RNF111: variants seen among roughly 807,000 people sequenced by gnomAD.
RNF111 encodes E3 ubiquitin-protein ligase Arkadia.
Under a neutral mutation model 95.1 loss-of-function variants are expected in RNF111, and 17 were observed. That is an observed-to-expected ratio of 0.18 (90% confidence interval 0.12 to 0.27). The LOEUF (loss-of-function observed/expected upper bound fraction) is 0.27. RNF111 is among the 10% of genes least tolerant of loss of function. RNF111 has a pLI of 1.00. For synonymous variants in RNF111, 440 were observed against 414.8 expected (o/e 1.06, Z -0.74); for missense variants, 1,189 against 1,210.4 (o/e 0.98, Z 0.26).
At chr15:59,043,618 G>T (rs2041572460) in intron 2 of RNF111, among the ~76,000 whole-genome samples, 1 of 152,166 alleles carries the variant, frequency 6.6e-6, no homozygotes, top group Non-Finnish European at 1.5e-5. Flanking sequence ...TCCGGTATTT[G>T]CTATTGTGAA....
chr15:59,065,626 C>T (rs1218231915), intron 5 of RNF111, among the ~76,000 whole-genome samples: 1 of 152,188 alleles, frequency 6.6e-6, no homozygotes, highest in Non-Finnish European at 1.5e-5. Context: ...CATTAGATTA[C>T]TTTAAAGCAC....
intron 1 of RNF111, among the ~76,000 whole-genome samples, chr15:59,023,130 C>A (rs1243848701): frequency 3.9e-5 from 6 of 152,142 alleles, no homozygotes; most frequent in African/African-American, 1.4e-4. Context: ...TGTCTGTAAT[C>A]CCAGCTACTC....
chr15:59,031,902 C>G (rs780399653), intron 2 of RNF111, among the ~76,000 whole-genome samples, 200 bp downstream of exon 2: 13 of 151,956 alleles, frequency 8.6e-5, no homozygotes, highest in Admixed American at 6.6e-4. Flanking sequence ...TTTCTAGTGA[C>G]AAAAATAAGT....
At chr15:59,081,361 C>A in intron 8 of RNF111, 77 bp downstream of exon 8, 1 of 1,246,376 alleles carries the variant, frequency 8.0e-7, no homozygotes, top group Non-Finnish European at 1.1e-6. Flanking sequence ...ACTCTGAAAT[C>A]CAACTAGGCA....
At chr15:59,052,537 C>A in intron 3 of RNF111, 106 bp downstream of exon 3, 1 of 875,730 alleles carries the variant, frequency 1.1e-6, no homozygotes, top group Non-Finnish European at 1.6e-6. Flanking sequence ...TTTTTGAGAC[C>A]CAGTTTGAGT....
At chr15:59,052,112 A>G (rs747318696) in intron 2 of RNF111, among the ~76,000 whole-genome samples, 193 bp from the exon 3 acceptor site, 11 of 152,230 alleles carry the variant, frequency 7.2e-5, no homozygotes, top group Non-Finnish European at 1.3e-4. Flanking sequence ...AGAAGTGTAG[A>G]TTAAAACAGT....
intron 2 of RNF111, among the ~76,000 whole-genome samples, chr15:59,040,093 C>G (rs1438587188): frequency 6.6e-6 from 1 of 151,708 alleles, no homozygotes; most frequent in African/African-American, 2.4e-5. Context: ...GTTGCCAATG[C>G]TTTTGGCTTT....
intron 1 of RNF111, among the ~76,000 whole-genome samples, chr15:59,000,688 G>A (rs1302028400): frequency 6.7e-6 from 1 of 148,904 alleles, no homozygotes; most frequent in African/African-American, 2.5e-5. Context: ...CATCCTGGGT[G>A]ACAGAGCTGA....
intron 8 of RNF111, among the ~76,000 whole-genome samples, chr15:59,082,091 A>G (rs1157371911): frequency 6.6e-6 from 1 of 152,212 alleles, no homozygotes; most frequent in Non-Finnish European, 1.5e-5. Flanking sequence ...CCCTCTCCCC[A>G]AAAAAGTAAC....
At position 59,091,143 on chromosome 15, in the gene RNF111, A is replaced by G. The variant is rs1451965498; in HGVS notation, c.2728A>G (p.Lys910Glu). The change falls in exon 12 of 14, where the codon AAA (lysine) becomes GAA (glutamate). Residue 910 changes from lysine to glutamate, a missense_variant. Lys to Glu is a moderately conservative substitution (Grantham distance 56, BLOSUM62 1). Transcript: ENST00000348370. ...GTIERCTYPH[K>E]YKKRKLHCKQ... is the part of the protein sequence containing the mutation. ...AATTGAAAGATGTACATATCCACAT[A>G]AATACAAAAAGGTAAGAATTTATTC... is the stretch of plus-strand genomic sequence containing the variant. 1 of 1,587,956 alleles carries G rather than the reference A, an allele frequency of 6.3e-7. No homozygotes were observed. The highest frequency in any genetic ancestry group is 8.6e-7 in the Non-Finnish European group (1 of 1,158,404).
chr15:59,071,836 G>T (rs12912440), intron 6 of RNF111, among the ~76,000 whole-genome samples: 1 of 152,124 alleles, frequency 6.6e-6, no homozygotes, highest in Non-Finnish European at 1.5e-5. Flanking sequence ...AGATACTGCA[G>T]GTTTGGTTCC....
intron 1 of RNF111, among the ~76,000 whole-genome samples, chr15:59,011,540 G>T (rs1023917492): frequency 1.3e-5 from 2 of 152,208 alleles, no homozygotes; most frequent in East Asian, 3.8e-4. Context: ...TCTGTAGAGT[G>T]TAAGTCCAGT....
In RNF111 at chr15:59,013,024, C is replaced by G. The variant is rs559477098; in HGVS notation, c.-19-17780C>G. 2.5e-4 allele frequency among the ~76,000 whole-genome samples: 38 copies of G among 152,274 alleles called. No individual in the cohort carries two copies. The South Asian group carries it at 5.8e-3, about 23-fold the overall frequency. ...AAAGTGCTGAGATTATAGGCGTGAG[C>G]CACCGCGACCGGCCTGGTTCCAGCT... On this transcript the variant is annotated intron_variant, in intron 1 of 13. Transcript: ENST00000348370.
At chr15:59,066,218 C>A (rs759691963) in intron 5 of RNF111, among the ~76,000 whole-genome samples, 2 of 152,196 alleles carry the variant, frequency 1.3e-5, no homozygotes, top group East Asian at 1.9e-4. Context: ...GCCATACTTA[C>A]ACATCACAGT....
chr15:59,071,226 G>A (rs1367324594), intron 6 of RNF111, among the ~76,000 whole-genome samples: 1 of 151,058 alleles, frequency 6.6e-6, no homozygotes, highest in African/African-American at 2.4e-5. Context: ...CTGAACCCGG[G>A]AGGCGGAGCT....
intron 2 of RNF111, among the ~76,000 whole-genome samples, chr15:59,040,305 T>C (rs2041387416): frequency 6.6e-6 from 1 of 152,018 alleles, no homozygotes; most frequent in Non-Finnish European, 1.5e-5. Context: ...TTTTAATTTT[T>C]TTTTTAGAGA....
intron 6 of RNF111, among the ~76,000 whole-genome samples, chr15:59,073,983 T>C (rs2043057802): frequency 6.6e-6 from 1 of 152,254 alleles, no homozygotes. Context: ...ATGTGCATTG[T>C]CAAGAAACAG....
intron 1 of RNF111, among the ~76,000 whole-genome samples, chr15:59,004,711 A>G (rs1021247832): frequency 2.0e-5 from 3 of 152,216 alleles, no homozygotes; most frequent in Non-Finnish European, 4.4e-5. Flanking sequence ...GGAAATCCCT[A>G]AAGTTGCCCA....
intron 2 of RNF111, among the ~76,000 whole-genome samples, chr15:59,046,898 C>T (rs909970152): frequency 6.6e-6 from 1 of 152,070 alleles, no homozygotes; most frequent in South Asian, 2.1e-4. Context: ...CACAGGGTCT[C>T]ACTCTGTTGT....
Sources: allele counts gnomAD v4.1 joint callset (sites outside exome capture counted in the v4.1 genomes callset), GRCh38; gene constraint gnomAD v4.1.1; transcripts MANE v1.5; gene names NCBI Gene and HGNC (gene_info 2026-07-23, HGNC 2026-07-21).